Variants in PLEK2 observed in about 807,000 individuals in gnomAD.
PLEK2 encodes pleckstrin-2.
Under a neutral mutation model 43.8 loss-of-function variants are expected in PLEK2, and 29 were observed. That is an observed-to-expected ratio of 0.66 (90% CI 0.49 to 0.90). The LOEUF (loss-of-function observed/expected upper bound fraction) is 0.90. Ranked by LOEUF, PLEK2 falls within the 40% of genes least tolerant of loss-of-function variation. The pLI, the probability that PLEK2 is intolerant of heterozygous loss-of-function variation, is 0.00. For synonymous variants in PLEK2, 162 were observed against 173.2 expected (o/e 0.94, Z 0.51); for missense variants, 398 against 448.1 (o/e 0.89, Z 1.01).
At chr14:67,388,104 C>A in intron 8 of PLEK2, 120 bp downstream of exon 8, 1 of 648,536 alleles carries the variant, frequency 1.5e-6, no homozygotes, top group East Asian at 2.7e-5. Context: ...TCACACCACT[C>A]TGTCTCATGG....
chr14:67,394,019 A>T (rs10139953), intron 3 of PLEK2, among the ~76,000 whole-genome samples: 27,555 of 151,984 alleles, frequency 0.18, 4,315 homozygotes, highest in East Asian at 0.49. Context: ...AGAAACTGGA[A>T]TTGTCAGCCT....
intron 7 of PLEK2, among the ~76,000 whole-genome samples, chr14:67,390,080 C>CT (rs2085955743): frequency 6.6e-6 from 1 of 152,222 alleles, no homozygotes; most frequent in Non-Finnish European, 1.5e-5. Context: ...GAACAGCTAA[C>CT]TAAAGGGCCC....
intron 1 of PLEK2, among the ~76,000 whole-genome samples, chr14:67,406,442 G>A (rs1434688572): frequency 3.3e-5 from 5 of 152,080 alleles, no homozygotes; most frequent in African/African-American, 1.2e-4. Context: ...AGGTCAGGAA[G>A]TCAAGGAGGG....
At position 67,387,420 on chromosome 14, in the gene PLEK2, A is replaced by C; in HGVS notation, c.971T>G (p.Val324Gly). 2.5e-6 allele frequency: 4 copies of C among 1,610,040 alleles called. No individual in the cohort carries two copies. Among genetic ancestry groups the C allele is most frequent in the Non-Finnish European group, 2.5e-6 (3 of 1,178,472 alleles). ...KGNVQGNLFK[V>G]ITKDDTHYYI... is the part of the protein sequence containing the mutation. ...ATAGTGTGTGTCATCCTTAGTAATC[A>C]CTTTGAAGAGGTTTCCCTGGACATT... Residue 324 changes from valine to glycine, a missense_variant, in exon 9 of 9, where the codon GTG (valine) becomes GGG (glycine). Transcript: ENST00000216446.
intron 6 of PLEK2, among the ~76,000 whole-genome samples, chr14:67,391,733 T>C (rs575398488): frequency 2.4e-4 from 36 of 152,220 alleles, no homozygotes; most frequent in Non-Finnish European, 4.4e-4. Flanking sequence ...CCCTTTTTGT[T>C]AGGCACAGGT....
chr14:67,407,444 A>G (rs566061726), intron 1 of PLEK2, among the ~76,000 whole-genome samples: 2 of 151,232 alleles, frequency 1.3e-5, no homozygotes, highest in Non-Finnish European at 2.9e-5. Context: ...TTTTTTAATT[A>G]AAAAAAATGT....
rs1007841145 is a variant in PLEK2, at chr14:67,386,997, G to C, written c.*332C>G. ...TAAGAGAGAACCTCATAAGAAGAGA[G>C]TTTTATTCAACATTATGGCATGGCC... On this transcript the variant is annotated 3_prime_UTR_variant, in exon 9 of 9. Coordinates refer to ENST00000216446, the MANE Select transcript of PLEK2 (RefSeq NM_016445.3). The C allele has an allele frequency of 3.8e-5, 7 of 182,112 alleles. No homozygotes were observed. Among genetic ancestry groups the C allele is most frequent in the Non-Finnish European group, 6.8e-5 (6 of 88,508 alleles). The allele number at this position is 182,112 out of a possible 1,614,324, so 11.3% of individuals were successfully genotyped here. A position where few individuals can be genotyped will look rare whatever the true frequency, so the allele number is the denominator to read the frequency against.
chr14:67,395,511 C>T lies in PLEK2; in HGVS notation c.280G>A (p.Ala94Thr), dbSNP rs145901807. 4.6e-5 allele frequency: 74 copies of T among 1,613,988 alleles called. No individual in the cohort carries two copies. In the African/African-American group the frequency reaches 8.3e-4, roughly 18 times the overall value. The change falls in exon 3 of 9, where the codon GCC becomes ACC. Residue 94 changes from alanine to threonine, a missense_variant. Transcript: ENST00000216446. ...LEACSREERD[A>T]WAFEITGAIH... is the part of the protein sequence containing the mutation. ...GCCCCGGTGATCTCAAAGGCCCAGGCATCCCGCTCCTCTCGAGAACAGGCC... is the reference window on the plus strand; with the variant it reads ...GCCCCGGTGATCTCAAAGGCCCAGGTATCCCGCTCCTCTCGAGAACAGGCC...
Position 67,412,161 on chromosome 14 carries a change from G to A in PLEK2, c.-102C>T. ...CGCAGTCCGCGCCCACGGCGCCCAGGAAGCAGCTCCGACGCGGCAGGGCGA... is the reference window on the plus strand; with the variant it reads ...CGCAGTCCGCGCCCACGGCGCCCAGAAAGCAGCTCCGACGCGGCAGGGCGA... On this transcript the variant is annotated 5_prime_UTR_variant, in exon 1 of 9. Coordinates refer to ENST00000216446, the MANE Select transcript of PLEK2 (RefSeq NM_016445.3). The A allele has an allele frequency of 9.6e-7, 1 of 1,038,834 alleles. No individual in the cohort carries two copies. Among genetic ancestry groups the A allele is most frequent in the South Asian group, 2.2e-5 (1 of 45,596 alleles). The allele number at this position is 1,038,834 out of a possible 1,614,324, so 64.4% of individuals were successfully genotyped here. A position where few individuals can be genotyped will look rare whatever the true frequency, so the allele number is the denominator to read the frequency against.
chr14:67,401,348 A>G (rs751596843), intron 1 of PLEK2, among the ~76,000 whole-genome samples: 101 of 151,984 alleles, frequency 6.6e-4, no homozygotes, highest in Non-Finnish European at 1.3e-3. Context: ...AAATAAATAA[A>G]CAAATAAATA....
chr14:67,399,130 G>A (rs1468226710), intron 1 of PLEK2, among the ~76,000 whole-genome samples: 2 of 152,202 alleles, frequency 1.3e-5, no homozygotes, highest in African/African-American at 2.4e-5. Context: ...CAGTCTCCCA[G>A]TGCTAAGGAC....
At chr14:67,407,492 G>A (rs1241280622) in intron 1 of PLEK2, among the ~76,000 whole-genome samples, 1 of 151,738 alleles carries the variant, frequency 6.6e-6, no homozygotes, top group East Asian at 1.9e-4. Flanking sequence ...CGAGGCTGGA[G>A]TGCAGTGGCA....
At chr14:67,408,235 G>A (rs1441110551) in intron 1 of PLEK2, among the ~76,000 whole-genome samples, 2 of 150,630 alleles carry the variant, frequency 1.3e-5, no homozygotes, top group Non-Finnish European at 2.9e-5. Context: ...GCAGTGAGCC[G>A]AGATTGCACC....
chr14:67,397,594 C>A lies in PLEK2; in HGVS notation c.207+68G>T. The A allele has an allele frequency of 5.1e-6, 7 of 1,372,274 alleles. 1 individual carries two copies. The South Asian group carries it at 1.0e-4, about 20-fold the overall frequency. 85.0% of individuals were successfully genotyped at this position (1,372,274 alleles called of 1,614,324 possible). A position where few individuals can be genotyped will look rare whatever the true frequency, so the allele number is the denominator to read the frequency against. ...CTCTTCCTCCTACCCACACCACTTT[C>A]CCAAAGAGGCCAGAGGTGGGAAGGC... is the stretch of plus-strand genomic sequence containing the variant. On this transcript the variant is annotated intron_variant, in intron 2 of 8. Coordinates refer to ENST00000216446, the MANE Select transcript of PLEK2 (RefSeq NM_016445.3).
At chr14:67,392,903 G>C in intron 4 of PLEK2, 54 bp from the exon 5 acceptor site, 1 of 1,453,234 alleles carries the variant, frequency 6.9e-7, no homozygotes, top group South Asian at 1.3e-5. Flanking sequence ...CGTCCTTGGG[G>C]TGTGTGGCCA....
At chr14:67,404,578 G>C (rs1400130506) in intron 1 of PLEK2, among the ~76,000 whole-genome samples, 3 of 152,020 alleles carry the variant, frequency 2.0e-5, no homozygotes, top group African/African-American at 7.2e-5. Context: ...GGGATGCTAA[G>C]ATGGGAGGAT....
At chr14:67,403,580 T>C (rs2086061646) in intron 1 of PLEK2, among the ~76,000 whole-genome samples, 1 of 152,230 alleles carries the variant, frequency 6.6e-6, no homozygotes, top group African/African-American at 2.4e-5. Context: ...AAGTGGAATG[T>C]GTTACAAGCA....
intron 7 of PLEK2, among the ~76,000 whole-genome samples, chr14:67,388,517 A>T (rs2085943735): frequency 6.6e-6 from 1 of 152,176 alleles, no homozygotes; most frequent in Non-Finnish European, 1.5e-5. Flanking sequence ...GTGCCCATCA[A>T]TGTTGCAGTT....
At chr14:67,397,243 CTTT>C (rs1566627092) in intron 2 of PLEK2, among the ~76,000 whole-genome samples, 1 of 152,258 alleles carries the variant, frequency 6.6e-6, no homozygotes, top group South Asian at 2.1e-4. Flanking sequence ...CCAGCCTAGA[CTTT>C]TTTAATGGTA....
Sources: allele counts gnomAD v4.1 joint callset (sites outside exome capture counted in the v4.1 genomes callset), GRCh38; gene constraint gnomAD v4.1.1; transcripts MANE v1.5; gene names NCBI Gene and HGNC (gene_info 2026-07-23, HGNC 2026-07-21).